The following EML1 variants were observed in gnomAD, a reference collection of about 807,000 sequenced individuals.
EML1 encodes the protein echinoderm microtubule-associated protein-like 1.
A neutral mutation model predicts 110.4 loss-of-function variants in EML1; 27 were observed. The ratio of observed to expected loss-of-function variants is 0.24; its 90% CI spans 0.18 to 0.34. EML1 has a LOEUF of 0.34. EML1 is among the 10% of genes least tolerant of loss of function. The pLI is 1.00. For missense variants in EML1, 741 were observed against 1,030.9 expected (o/e 0.72, Z 3.85); for synonymous variants, 344 against 385.8 (o/e 0.89, Z 1.27).
At chr14:99,904,559 T>TTAC (rs1201559816) in intron 9 of EML1, among the ~76,000 whole-genome samples, 2 of 148,860 alleles carry the variant, frequency 1.3e-5, no homozygotes, top group African/African-American at 4.9e-5. Context: ...ATTATTATTA[T>TTAC]TACACCAATT....
rs138969945 is a variant in EML1 at position 99,885,899 on chromosome 14, G to C, written c.519-5300G>C. The C allele has an allele frequency of 1.2e-4, 56 of 455,876 alleles. 1 individual carries two copies. The East Asian group carries it at 3.0e-3, about 24-fold the overall frequency. The allele number at this position is 455,876 out of a possible 1,614,324, so 28.2% of individuals were successfully genotyped here. On this transcript the variant is annotated intron_variant, in intron 4 of 21. Coordinates refer to ENST00000262233, the MANE Select transcript of EML1 (RefSeq NM_004434.3). ...TTAAGGAGGTTAAGCTGGTGGAGGT[G>C]AAGCCCCTCACCCAAGCCCTAGAAC...
intron 1 of EML1, among the ~76,000 whole-genome samples, chr14:99,811,174 T>G (rs951975547): frequency 3.4e-5 from 5 of 147,788 alleles, no homozygotes; most frequent in African/African-American, 7.3e-5. Context: ...GGGTTTTTTT[T>G]TTGTTTTTTT....
In EML1 at chr14:99,925,616, A is replaced by G. The variant is rs189485775; in HGVS notation, c.1909+4739A>G. ...AGGTTATGCACAAATAACTTAAGCCAGTAAGGCTCCGTCCTCTGCCAGTGG... is the reference window on the plus strand; with the variant it reads ...AGGTTATGCACAAATAACTTAAGCCGGTAAGGCTCCGTCCTCTGCCAGTGG... On this transcript the variant is annotated intron_variant, in intron 17 of 21. Coordinates refer to ENST00000262233, the MANE Select transcript of EML1 (RefSeq NM_004434.3). Among the ~76,000 whole-genome samples, 8 of 152,366 alleles carry G rather than the reference A, an allele frequency of 5.3e-5. No individual in the cohort carries two copies. The East Asian group carries it at 1.3e-3, about 26-fold the overall frequency.
At chr14:99,899,098 C>T (rs1000894477) in intron 8 of EML1, among the ~76,000 whole-genome samples, 1 of 152,104 alleles carries the variant, frequency 6.6e-6, no homozygotes, top group Non-Finnish European at 1.5e-5. Context: ...TTCAGCAAGA[C>T]TTTAATTTGC....
chr14:99,802,417 C>T (rs1010596184), intron 1 of EML1, among the ~76,000 whole-genome samples: 5 of 151,724 alleles, frequency 3.3e-5, no homozygotes, highest in Admixed American at 2.0e-4. Context: ...GAAGGGCAGT[C>T]CAGGGTGGAG....
intron 9 of EML1, among the ~76,000 whole-genome samples, chr14:99,903,629 A>G (rs2059795154): frequency 6.6e-6 from 1 of 152,210 alleles, no homozygotes; most frequent in African/African-American, 2.4e-5. Context: ...ACATGCCAGT[A>G]ACATATTTAT....
intron 17 of EML1, among the ~76,000 whole-genome samples, chr14:99,929,820 G>T (rs913938496): frequency 2.0e-5 from 3 of 152,202 alleles, no homozygotes; most frequent in Non-Finnish European, 4.4e-5. Flanking sequence ...CTCCAAGGTA[G>T]CAGCACCCTG....
chr14:99,745,448 TTACAG>T (rs2057097508), intron 1 of EML1, among the ~76,000 whole-genome samples: 1 of 152,112 alleles, frequency 6.6e-6, no homozygotes. Context: ...AAATAAAACT[TTACAG>T]TATAACAGAG....
chr14:99,811,668 A>G (rs960765874), intron 1 of EML1, among the ~76,000 whole-genome samples: 2 of 147,396 alleles, frequency 1.4e-5, no homozygotes, highest in African/African-American at 5.0e-5. Flanking sequence ...AAAATTAGCC[A>G]GGCTTTGTGG....
intron 1 of EML1, among the ~76,000 whole-genome samples, chr14:99,816,009 A>G (rs1026830913): frequency 2.0e-5 from 3 of 152,134 alleles, no homozygotes; most frequent in African/African-American, 7.2e-5. Flanking sequence ...ATGTTTGCAC[A>G]TTGTTTTACT....
chr14:99,768,200 G>T (rs1453999465), upstream of EML1, among the ~76,000 whole-genome samples: 1 of 152,220 alleles, frequency 6.6e-6, no homozygotes, highest in African/African-American at 2.4e-5. Context: ...AAAGCATAAA[G>T]GTGTGTCTTA....
chr14:99,936,946 G>C lies in EML1; in HGVS notation c.2095+612G>C, dbSNP rs1168767466. 6.6e-6 allele frequency among the ~76,000 whole-genome samples: 1 copy of C among 152,200 alleles called. No individual in the cohort carries two copies. Among genetic ancestry groups the C allele is most frequent in the African/African-American group, 2.4e-5 (1 of 41,450 alleles). On this transcript the variant is annotated intron_variant, in intron 19 of 21. Coordinates refer to ENST00000262233, the MANE Select transcript of EML1 (RefSeq NM_004434.3). This position sits in a 1 kb window ranked among gnomAD's most constrained non-coding sequence, Gnocchi z 5.5. ...TCTGGGCCACGCAGGGCGGCGCGTG[G>C]GCACAAGGAAGGCCTCGCTGCTCCC... is the stretch of plus-strand genomic sequence containing the variant.
chr14:99,941,420 C>T lies in EML1; in HGVS notation c.*1308C>T, dbSNP rs1307447695. ...CTTTCAAAAACATTTTTGATGACAT[C>T]ACCAGCCTACTGCAGAAGTGCAGGG... On this transcript the variant is annotated 3_prime_UTR_variant, in exon 22 of 22. Coordinates refer to ENST00000262233, the MANE Select transcript of EML1 (RefSeq NM_004434.3). 1.3e-5 allele frequency: 2 copies of T among 152,190 alleles called. No individual in the cohort carries two copies. The highest frequency in any genetic ancestry group is 2.9e-5 in the Non-Finnish European group (2 of 68,032). 9.4% of individuals were successfully genotyped at this position (152,190 alleles called of 1,614,324 possible).
upstream of EML1, among the ~76,000 whole-genome samples, chr14:99,791,889 C>A (rs145825709): frequency 2.0e-4 from 30 of 152,322 alleles, 2 homozygotes; most frequent in African/African-American, 6.3e-4. Flanking sequence ...CACTTGTCTG[C>A]ACAATGTCTG....
intron 1 of EML1, among the ~76,000 whole-genome samples, chr14:99,782,355 C>A (rs2057549397): frequency 6.6e-6 from 1 of 152,204 alleles, no homozygotes; most frequent in Non-Finnish European, 1.5e-5. Flanking sequence ...GCAGTACCAG[C>A]TAGGCTTGCA....
intron 2 of EML1, among the ~76,000 whole-genome samples, chr14:99,852,727 T>G (rs1471803609): frequency 6.6e-6 from 1 of 151,618 alleles, no homozygotes; most frequent in Non-Finnish European, 1.5e-5. Context: ...CGTCTTTGAG[T>G]TTTTTTTTCT....
At chr14:99,915,074 T>C in intron 15 of EML1, 1 of 265,730 alleles carries the variant, frequency 3.8e-6, no homozygotes, top group Non-Finnish European at 7.1e-6. Context: ...AAACACACGA[T>C]TGAATATATC....
intron 1 of EML1, among the ~76,000 whole-genome samples, chr14:99,805,123 A>G (rs1267829937): frequency 6.6e-6 from 1 of 152,174 alleles, no homozygotes; most frequent in Non-Finnish European, 1.5e-5. Context: ...AGGTAGATGT[A>G]GGCGCAGCTC....
intron 2 of EML1, among the ~76,000 whole-genome samples, chr14:99,858,117 T>C (rs1354118078): frequency 6.6e-6 from 1 of 152,114 alleles, no homozygotes; most frequent in Non-Finnish European, 1.5e-5. Context: ...TTCTGAACCT[T>C]GCTCTTTTTA....
Sources: allele counts gnomAD v4.1 joint callset (sites outside exome capture counted in the v4.1 genomes callset), GRCh38; gene constraint gnomAD v4.1.1; non-coding constraint Gnocchi (gnomAD v3.1); transcripts MANE v1.5; gene names NCBI Gene and HGNC (gene_info 2026-07-23, HGNC 2026-07-21).